Variants in LINGO2 observed in about 807,000 individuals in gnomAD.
The protein encoded by LINGO2 is leucine rich repeat and Ig domain containing 2.
In LINGO2, 14 loss-of-function variants were observed where a neutral mutation model predicts 30.6. The ratio of observed to expected loss-of-function variants is 0.46; its 90% CI spans 0.30 to 0.72. LINGO2 has a LOEUF of 0.72. Ranked by LOEUF, LINGO2 falls within the 30% of genes least tolerant of loss-of-function variation. LINGO2 has a pLI of 0.07. For synonymous variants in LINGO2, 317 were observed against 288.5 expected (o/e 1.10, Z -1.00); for missense variants, 729 against 751.7 (o/e 0.97, Z 0.35).
chr9:28,152,985 C>A (rs1004969560), intron 4 of LINGO2, among the ~76,000 whole-genome samples: 4 of 152,038 alleles, frequency 2.6e-5, no homozygotes, highest in Admixed American at 2.0e-4. Flanking sequence ...GCTTGATATA[C>A]AAAATGCCTA....
At chr9:29,201,482 A>G in the LINGO2 span, among the ~76,000 whole-genome samples, 1 of 152,088 alleles carries the variant, frequency 6.6e-6, no homozygotes, top group Non-Finnish European at 1.5e-5. Context: ...TTATCAATTA[A>G]GCCATCTATA....
At chr9:28,725,301 A>C in the LINGO2 span, among the ~76,000 whole-genome samples, 416 of 152,106 alleles carry the variant, frequency 2.7e-3, 3 homozygotes, top group African/African-American at 9.6e-3. Flanking sequence ...ATCCTAATTT[A>C]AATATTAGAA....
At chr9:29,104,743 T>C in the LINGO2 span, among the ~76,000 whole-genome samples, 2 of 152,156 alleles carry the variant, frequency 1.3e-5, no homozygotes, top group South Asian at 4.1e-4. Context: ...TATTGTAGAT[T>C]AGTACTCTAC....
intron 4 of LINGO2, among the ~76,000 whole-genome samples, chr9:28,198,492 A>G (rs952341984): frequency 1.3e-5 from 2 of 152,182 alleles, no homozygotes; most frequent in Non-Finnish European, 2.9e-5. Flanking sequence ...TTTCCTTTGC[A>G]TATGAATACT....
At chr9:28,977,723 A>G in the LINGO2 span, among the ~76,000 whole-genome samples, 2 of 152,138 alleles carry the variant, frequency 1.3e-5, no homozygotes, top group Admixed American at 6.5e-5. Context: ...TGGACATTAC[A>G]GTTTAGTCCA....
At chr9:28,665,161 G>C (rs1472736522) in intron 1 of LINGO2, among the ~76,000 whole-genome samples, 1 of 151,350 alleles carries the variant, frequency 6.6e-6, no homozygotes, top group Non-Finnish European at 1.5e-5. Context: ...ACTTAATATT[G>C]ACAATAGCTG....
the LINGO2 span, among the ~76,000 whole-genome samples, chr9:28,805,288 T>A: frequency 2.0e-5 from 3 of 152,188 alleles, no homozygotes; most frequent in African/African-American, 7.2e-5. Flanking sequence ...TGTATACTAG[T>A]GAAACAGTAA....
the LINGO2 span, among the ~76,000 whole-genome samples, chr9:29,206,774 C>A: frequency 6.6e-6 from 1 of 152,054 alleles, no homozygotes; most frequent in Non-Finnish European, 1.5e-5. Flanking sequence ...TTCTTAAGAA[C>A]AAGAACAAAT....
At chr9:28,307,896 G>A (rs1295512220) in intron 3 of LINGO2, among the ~76,000 whole-genome samples, 1 of 152,078 alleles carries the variant, frequency 6.6e-6, no homozygotes, top group African/African-American at 2.4e-5. Context: ...CCTCTTCAAG[G>A]AGAACTACAA....
At chr9:28,911,282 C>T in the LINGO2 span, among the ~76,000 whole-genome samples, 1 of 151,816 alleles carries the variant, frequency 6.6e-6, no homozygotes, top group Admixed American at 6.6e-5. Context: ...ATAAATCTAA[C>T]ATTCAATCTT....
chr9:28,671,054 T>G (rs1305844449), upstream of LINGO2, among the ~76,000 whole-genome samples: 6 of 152,142 alleles, frequency 3.9e-5, no homozygotes, highest in East Asian at 1.2e-3. Flanking sequence ...AGATGAGTAT[T>G]TTGTTGCTGC....
At chr9:28,233,941 A>G (rs1205814211) in intron 4 of LINGO2, among the ~76,000 whole-genome samples, 1 of 152,194 alleles carries the variant, frequency 6.6e-6, no homozygotes, top group Non-Finnish European at 1.5e-5. Context: ...AGTAATACCC[A>G]GGGTGTAAGC....
rs1827356896 is a variant in LINGO2 at position 28,130,719 on chromosome 9, T to A, written c.-86-118314A>T. Among the ~76,000 whole-genome samples the A allele has an allele frequency of 6.6e-6, 1 of 152,208 alleles. No individual in the cohort carries two copies. The highest frequency in any genetic ancestry group is 2.4e-5 in the African/African-American group (1 of 41,464). On this transcript the variant is annotated intron_variant, in intron 4 of 5. Coordinates refer to ENST00000379992, the Ensembl canonical transcript of LINGO2. This position sits in a 1 kb window ranked among gnomAD's most constrained non-coding sequence, Gnocchi z 5.2. ...GGGCTAGGATGGCCAGAGTTTCAGA[T>A]AATAGAGAAGAGTAGGACACTGTTC... is the stretch of plus-strand genomic sequence containing the variant.
At chr9:29,135,787 C>T in the LINGO2 span, among the ~76,000 whole-genome samples, 1 of 152,024 alleles carries the variant, frequency 6.6e-6, no homozygotes, top group Non-Finnish European at 1.5e-5. Context: ...TTTTTCCCTC[C>T]CACTAGCTCC....
intron 4 of LINGO2, among the ~76,000 whole-genome samples, chr9:28,160,556 T>C (rs1332144638): frequency 1.3e-5 from 2 of 152,162 alleles, no homozygotes; most frequent in Admixed American, 6.5e-5. Flanking sequence ...TCTCTGTCCT[T>C]TCTGTTCCCC....
intron 4 of LINGO2, among the ~76,000 whole-genome samples, chr9:28,047,245 C>T (rs1347467930): frequency 1.3e-5 from 2 of 152,094 alleles, no homozygotes; most frequent in Non-Finnish European, 2.9e-5. Flanking sequence ...ACCCACCAAC[C>T]TGTAGTGATC....
chr9:28,653,549 C>G (rs560803132), intron 1 of LINGO2, among the ~76,000 whole-genome samples: 1 of 152,098 alleles, frequency 6.6e-6, no homozygotes, highest in Non-Finnish European at 1.5e-5. Flanking sequence ...CCAGTACCAT[C>G]CTGGTTCTAT....
the LINGO2 span, among the ~76,000 whole-genome samples, chr9:28,993,604 G>A: frequency 3.3e-5 from 5 of 150,688 alleles, 1 homozygote; most frequent in Admixed American, 2.0e-4. Flanking sequence ...GAACATCAAT[G>A]CGAAAATCCT....
chr9:29,106,250 C>A, the LINGO2 span, among the ~76,000 whole-genome samples: 2 of 152,122 alleles, frequency 1.3e-5, no homozygotes, highest in Non-Finnish European at 2.9e-5. Flanking sequence ...ATGCTTGACT[C>A]AGCACCGTGC....
Sources: allele counts gnomAD v4.1 joint callset (sites outside exome capture counted in the v4.1 genomes callset), GRCh38; gene constraint gnomAD v4.1.1; non-coding constraint Gnocchi (gnomAD v3.1); transcripts MANE v1.5; gene names NCBI Gene and HGNC (gene_info 2026-07-23, HGNC 2026-07-21).